BABAM2: variants seen among roughly 807,000 people sequenced by gnomAD.
BABAM2 encodes BRISC and BRCA1 A complex member 2.
In BABAM2, 31 loss-of-function variants were observed where a neutral mutation model predicts 54.7. The observed-to-expected ratio is 0.57, with a 90% CI of 0.43 to 0.77. The LOEUF is 0.77. BABAM2 is among the 30% of genes least tolerant of loss of function. BABAM2 has a pLI of 0.00. For missense variants in BABAM2, 364 were observed against 455.8 expected (o/e 0.80, Z 1.83); for synonymous variants, 167 against 162.9 (o/e 1.03, Z -0.19).
At chr2:28,075,856 G>A (rs1664613914) in intron 6 of BABAM2, among the ~76,000 whole-genome samples, 1 of 151,982 alleles carries the variant, frequency 6.6e-6, no homozygotes, top group South Asian at 2.1e-4. Context: ...ATTGTCTCAT[G>A]TATTTTTTCT....
intron 11 of BABAM2, among the ~76,000 whole-genome samples, chr2:28,298,977 T>TA (rs1687908825): frequency 6.6e-6 from 1 of 152,234 alleles, no homozygotes; most frequent in African/African-American, 2.4e-5. Context: ...TATAGTTTTT[T>TA]AAAAAATGGA....
At chr2:28,237,850 C>CTTTGTA (rs1484488703) in intron 8 of BABAM2, among the ~76,000 whole-genome samples, 1 of 151,978 alleles carries the variant, frequency 6.6e-6, no homozygotes, top group Non-Finnish European at 1.5e-5. Context: ...GTCAGCTGGT[C>CTTTGTA]TTTTTATTTT....
At chr2:27,948,213 A>G (rs72810600) in intron 3 of BABAM2, among the ~76,000 whole-genome samples, 4,361 of 151,772 alleles carry the variant, frequency 0.029, 102 homozygotes, top group South Asian at 0.1. Flanking sequence ...GTTGAAAATT[A>G]TATTTTTTAA....
intron 3 of BABAM2, among the ~76,000 whole-genome samples, chr2:27,932,816 C>T (rs1233273738): frequency 6.6e-6 from 1 of 152,170 alleles, no homozygotes; most frequent in East Asian, 1.9e-4. Flanking sequence ...TAGCCTCTTC[C>T]TCACATTATT....
intron 2 of BABAM2, among the ~76,000 whole-genome samples, chr2:27,916,581 G>T (rs1666985520): frequency 6.6e-6 from 1 of 152,188 alleles, no homozygotes; most frequent in African/African-American, 2.4e-5. Flanking sequence ...GTGCCAGCAG[G>T]TATGCTGCTG....
At chr2:28,336,222 G>A (rs937877554) in intron 11 of BABAM2, among the ~76,000 whole-genome samples, 4 of 152,200 alleles carry the variant, frequency 2.6e-5, no homozygotes, top group African/African-American at 9.6e-5. Context: ...GAGTCACTAC[G>A]GATGGAGGGA....
chr2:28,119,281 A>C (rs1243733128), intron 6 of BABAM2, among the ~76,000 whole-genome samples: 6 of 152,098 alleles, frequency 3.9e-5, no homozygotes, highest in Non-Finnish European at 7.4e-5. Context: ...GAAACTCCAC[A>C]CTCCAGATTC....
chr2:28,063,692 G>T (rs1401514894), intron 6 of BABAM2, among the ~76,000 whole-genome samples: 1 of 152,162 alleles, frequency 6.6e-6, no homozygotes, highest in Non-Finnish European at 1.5e-5. Flanking sequence ...GGTCCTTGAG[G>T]TTTGAGAAAC....
At chr2:27,945,308 C>T (rs1669218299) in intron 3 of BABAM2, among the ~76,000 whole-genome samples, 1 of 152,068 alleles carries the variant, frequency 6.6e-6, no homozygotes, top group Non-Finnish European at 1.5e-5. Context: ...AGATTACAGG[C>T]ATGAGCTACC....
chr2:28,259,011 A>G (rs966377016), intron 10 of BABAM2, among the ~76,000 whole-genome samples: 3 of 132,940 alleles, frequency 2.3e-5, no homozygotes, highest in Non-Finnish European at 4.6e-5. Context: ...TCTTGTCCTC[A>G]TGATCCACCC....
intron 10 of BABAM2, among the ~76,000 whole-genome samples, chr2:28,279,742 C>T (rs563021283): frequency 6.0e-5 from 9 of 150,696 alleles, no homozygotes; most frequent in South Asian, 4.2e-4. Context: ...CTCAGCTCAC[C>T]GCTACCTCTG....
intron 6 of BABAM2, among the ~76,000 whole-genome samples, chr2:28,111,662 C>CT (rs1308039752): frequency 6.6e-6 from 1 of 152,072 alleles, no homozygotes; most frequent in Non-Finnish European, 1.5e-5. Flanking sequence ...CTTTTCAGTT[C>CT]TTTTTTTCAT....
chr2:27,996,415 C>T (rs900646065), intron 4 of BABAM2: 1 of 154,838 alleles, frequency 6.5e-6, no homozygotes, highest in Non-Finnish European at 1.5e-5. Flanking sequence ...GCCAGTGTTC[C>T]TAAACAATTC....
intron 4 of BABAM2, among the ~76,000 whole-genome samples, chr2:27,998,391 G>C (rs1423484432): frequency 6.6e-6 from 1 of 151,816 alleles, no homozygotes; most frequent in African/African-American, 2.4e-5. Flanking sequence ...AGTTAAAGAT[G>C]AATATTCACA....
intron 3 of BABAM2, among the ~76,000 whole-genome samples, chr2:27,960,684 G>A (rs1670402161): frequency 6.6e-6 from 1 of 152,134 alleles, no homozygotes; most frequent in African/African-American, 2.4e-5. Context: ...AGGGCTGGCT[G>A]TCTTGCTTTA....
chr2:28,127,360 T>G (rs1336607376), intron 6 of BABAM2, among the ~76,000 whole-genome samples: 3 of 152,038 alleles, frequency 2.0e-5, no homozygotes, highest in Non-Finnish European at 4.4e-5. Context: ...AAGCATTTGG[T>G]GTGTTTAGTG....
intron 6 of BABAM2, among the ~76,000 whole-genome samples, chr2:28,074,704 T>C (rs1664493979): frequency 6.6e-6 from 1 of 152,096 alleles, no homozygotes; most frequent in Admixed American, 6.5e-5. Context: ...ATGGCATTAG[T>C]TGGGGTGAGG....
chr2:28,076,810 C>T (rs1460488525), intron 6 of BABAM2, among the ~76,000 whole-genome samples: 1 of 152,100 alleles, frequency 6.6e-6, no homozygotes, highest in African/African-American at 2.4e-5. Context: ...GCCCATTGAA[C>T]ATTTTTAATA....
intron 5 of BABAM2, among the ~76,000 whole-genome samples, chr2:28,043,129 A>T (rs1677255139): frequency 6.7e-6 from 1 of 150,194 alleles, no homozygotes; most frequent in South Asian, 2.1e-4. Flanking sequence ...TGTTGGGAGC[A>T]TGTTTTTTTT....
Sources: gnomAD v4.1 joint callset for allele counts (sites outside exome capture counted in the v4.1 genomes callset) on GRCh38, gnomAD v4.1.1 for gene constraint, MANE v1.5 for transcripts, NCBI Gene and HGNC (gene_info 2026-07-23, HGNC 2026-07-21) for gene names.